Variants in PARD3 observed in about 807,000 individuals in gnomAD.
PARD3 encodes the protein par-3 family cell polarity regulator.
PARD3 carries 75 observed loss-of-function variants against 155.4 expected under a neutral mutation model. The observed-to-expected ratio is 0.48, with a 90% CI of 0.40 to 0.58. The LOEUF is 0.58. PARD3 is among the 20% of genes least tolerant of loss of function. The pLI is 0.00. For missense variants in PARD3, 1,642 were observed against 1,721.7 expected, an observed-to-expected ratio of 0.95 and a Z score of 0.82; for synonymous variants, 576 against 610.5, an observed-to-expected ratio of 0.94 and a Z score of 0.83.
At chr10:34,811,716 A>AT (rs1421247498) in intron 1 of PARD3, among the ~76,000 whole-genome samples, 2 of 152,038 alleles carry the variant, frequency 1.3e-5, no homozygotes, top group Non-Finnish European at 2.9e-5. Flanking sequence ...TCAGTCTTAT[A>AT]TTTTTTTCAT....
chr10:34,654,880 C>T (rs2093121762), intron 2 of PARD3, among the ~76,000 whole-genome samples: 3 of 151,644 alleles, frequency 2.0e-5, no homozygotes, highest in Admixed American at 1.3e-4. Context: ...ACTGCACACA[C>T]CTGTTACCAG....
intron 1 of PARD3, among the ~76,000 whole-genome samples, chr10:34,728,165 T>C (rs1355749262): frequency 2.0e-5 from 3 of 150,574 alleles, no homozygotes; most frequent in African/African-American, 7.3e-5. Flanking sequence ...CTCTATTTTC[T>C]ATCTAGTTAA....
intron 22 of PARD3, among the ~76,000 whole-genome samples, chr10:34,138,696 T>C (rs963904985): frequency 3.0e-4 from 46 of 152,296 alleles, no homozygotes; most frequent in African/African-American, 1.0e-3. Flanking sequence ...AAAGCACAGG[T>C]ACATGGTAAA....
intron 20 of PARD3, among the ~76,000 whole-genome samples, chr10:34,309,001 G>A (rs1957557987): frequency 6.6e-6 from 1 of 152,136 alleles, no homozygotes; most frequent in African/African-American, 2.4e-5. Flanking sequence ...CACGATGAGG[G>A]ATGAAAATGG....
intron 2 of PARD3, among the ~76,000 whole-genome samples, chr10:34,609,142 C>T (rs961928129): frequency 6.6e-6 from 1 of 152,140 alleles, no homozygotes; most frequent in East Asian, 1.9e-4. Flanking sequence ...TCAGTATTTC[C>T]TCTAAAGCAA....
At chr10:34,396,600 C>A (rs754294737) in intron 7 of PARD3, among the ~76,000 whole-genome samples, 1 of 152,060 alleles carries the variant, frequency 6.6e-6, no homozygotes, top group Non-Finnish European at 1.5e-5. Flanking sequence ...GCAATATTGA[C>A]ATGTATTTGT....
intron 23 of PARD3, among the ~76,000 whole-genome samples, chr10:34,130,085 G>T (rs912854559): frequency 6.6e-6 from 1 of 151,934 alleles, no homozygotes; most frequent in African/African-American, 2.4e-5. Context: ...ACTAATCTCC[G>T]CTCTACTTCT....
chr10:34,185,811 C>CTATATTATATTATATTATAT (rs200395816), intron 22 of PARD3, among the ~76,000 whole-genome samples: 197 of 143,738 alleles, frequency 1.4e-3, no homozygotes, highest in Middle Eastern at 3.5e-3. Flanking sequence ...GTAACATCTT[C>CTATATTATATTATATTATAT]TATATTATAT....
At chr10:34,581,223 C>A (rs377671094) in intron 2 of PARD3, among the ~76,000 whole-genome samples, 4 of 116,658 alleles carry the variant, frequency 3.4e-5, no homozygotes, top group Non-Finnish European at 7.0e-5. Flanking sequence ...GGTTATTTTT[C>A]TTTTTCTTTT....
chr10:34,565,470 T>C (rs1346726594), intron 2 of PARD3, among the ~76,000 whole-genome samples: 1 of 152,016 alleles, frequency 6.6e-6, no homozygotes, highest in East Asian at 1.9e-4. Flanking sequence ...TTTCACCATG[T>C]TGGCCATACT....
Position 34,372,495 on chromosome 10 carries a change from T to G in PARD3, c.1707+3A>C. The G allele has an allele frequency of 6.2e-7, 1 of 1,606,614 alleles. No homozygotes were observed. Among genetic ancestry groups the G allele is most frequent in the Non-Finnish European group, 8.5e-7 (1 of 1,173,428 alleles). ...TGCATCCTTCAAAAGACAAAGCTCT[T>G]ACCGTTTCTTTTGGAATCTGCATCT... On this transcript the variant is annotated splice_donor_region_variant and intron_variant, in intron 12 of 24. Transcript: ENST00000374788.
chr10:34,778,724 T>C (rs1047187328), intron 1 of PARD3, among the ~76,000 whole-genome samples: 1 of 152,210 alleles, frequency 6.6e-6, no homozygotes, highest in Non-Finnish European at 1.5e-5. Flanking sequence ...TAAGAAACTA[T>C]ATGTATGCTG....
chr10:34,459,589 T>C (rs890369715), intron 4 of PARD3, among the ~76,000 whole-genome samples: 1 of 152,148 alleles, frequency 6.6e-6, no homozygotes, highest in Non-Finnish European at 1.5e-5. Flanking sequence ...AGGGAACAGA[T>C]GCTAGACAGA....
intron 22 of PARD3, among the ~76,000 whole-genome samples, chr10:34,157,814 T>TA (rs1446902161): frequency 5.9e-5 from 9 of 152,186 alleles, no homozygotes; most frequent in Admixed American, 2.0e-4. Flanking sequence ...AAAACAAGCA[T>TA]AATACTGTTA....
chr10:34,597,881 T>G (rs958985150), intron 2 of PARD3, among the ~76,000 whole-genome samples: 1 of 152,192 alleles, frequency 6.6e-6, no homozygotes, highest in Admixed American at 6.5e-5. Flanking sequence ...AAATATCTGC[T>G]GTTGAAAGAA....
chr10:34,336,302 TC>T, intron 17 of PARD3, 59 bp from the exon 18 acceptor site: 1 of 1,263,022 alleles, frequency 7.9e-7, no homozygotes, highest in Non-Finnish European at 1.2e-6. Flanking sequence ...CCACCATGCT[TC>T]CACCATTCCC....
At chr10:34,215,028 C>T (rs931590520) in intron 22 of PARD3, among the ~76,000 whole-genome samples, 1 of 152,200 alleles carries the variant, frequency 6.6e-6, no homozygotes, top group Non-Finnish European at 1.5e-5. Context: ...CACCTATTGG[C>T]ATTCCGGGCA....
chr10:34,610,613 T>C lies in PARD3; in HGVS notation c.222+85705A>G, dbSNP rs77675018. ...GGAGCCAGTATGATCGTGGGTGAAA[T>C]ATGGAGTTCCTAGAATACGCTAGAC... On this transcript the variant is annotated intron_variant, in intron 2 of 24. Transcript: ENST00000374788. Among the ~76,000 whole-genome samples, 1,443 of 152,238 alleles carry C rather than the reference T, an allele frequency of 9.5e-3. 26 individuals carry two copies. Among genetic ancestry groups the C allele is most frequent in the African/African-American group, 0.033 (1,366 of 41,540 alleles).
At chr10:34,768,751 C>T (rs1010108234) in intron 1 of PARD3, among the ~76,000 whole-genome samples, 1 of 152,222 alleles carries the variant, frequency 6.6e-6, no homozygotes, top group Non-Finnish European at 1.5e-5. Flanking sequence ...CTTCTCTGCA[C>T]TCTGGATGGT....
Sources: allele counts gnomAD v4.1 joint callset (sites outside exome capture counted in the v4.1 genomes callset), GRCh38; gene constraint gnomAD v4.1.1; transcripts MANE v1.5; gene names NCBI Gene and HGNC (gene_info 2026-07-23, HGNC 2026-07-21).